ALS2: variants seen among roughly 807,000 people sequenced by gnomAD.
The protein encoded by ALS2 is alsin.
A neutral mutation model predicts 203.4 loss-of-function variants in ALS2; 117 were observed. The ratio of observed to expected loss-of-function variants is 0.58; its 90% CI spans 0.50 to 0.67. The LOEUF (loss-of-function observed/expected upper bound fraction) is 0.67, where lower values mean the gene tolerates loss of function less well. Ranked by LOEUF, ALS2 falls within the 30% of genes least tolerant of loss-of-function variation. The pLI is 0.00. For missense variants in ALS2, 1,715 were observed against 1,989.4 expected (o/e 0.86, Z 2.62); for synonymous variants, 718 against 725.9 (o/e 0.99, Z 0.17).
chr2:201,725,568 T>A, intron 19 of ALS2, 114 bp from the exon 20 acceptor site: 1 of 924,740 alleles, frequency 1.1e-6, no homozygotes, highest in Non-Finnish European at 1.8e-6. Context: ...CATTCACCTG[T>A]AGGAGTAAAG....
At chr2:201,746,416 G>C in intron 9 of ALS2, 150 bp downstream of exon 9, 5 of 837,276 alleles carry the variant, frequency 6.0e-6, no homozygotes. Flanking sequence ...AGAAGATAAG[G>C]AGTGAAGGGG....
intron 24 of ALS2, 77 bp downstream of exon 24, chr2:201,718,000 A>C: frequency 6.7e-7 from 1 of 1,484,256 alleles, no homozygotes; most frequent in Non-Finnish European, 9.3e-7. Flanking sequence ...TGCTTTTAAA[A>C]TATTAACCAG....
intron 14 of ALS2, 92 bp from the exon 15 acceptor site, chr2:201,728,732 G>T: frequency 1.4e-6 from 2 of 1,477,694 alleles, no homozygotes; most frequent in East Asian, 2.3e-5. Flanking sequence ...TCACATTTAA[G>T]GGAATTTGCT....
intron 27 of ALS2, 115 bp downstream of exon 27, chr2:201,709,766 T>G (rs1689924606): frequency 7.9e-7 from 1 of 1,263,544 alleles, no homozygotes; most frequent in Admixed American, 1.7e-5. Flanking sequence ...TTACTTAATC[T>G]ATTAAAGGAC....
At chr2:201,774,476 C>A (rs1694564084) in intron 1 of ALS2, among the ~76,000 whole-genome samples, 1 of 152,122 alleles carries the variant, frequency 6.6e-6, no homozygotes, top group Admixed American at 6.6e-5. Context: ...TTTTATCCCA[C>A]CCTGCTATAC....
intron 2 of ALS2, among the ~76,000 whole-genome samples, chr2:201,768,455 A>G (rs1257310724): frequency 2.0e-5 from 3 of 152,190 alleles, no homozygotes; most frequent in African/African-American, 4.8e-5. Flanking sequence ...ATTTATCTAT[A>G]TTTGCTAAAT....
intron 1 of ALS2, among the ~76,000 whole-genome samples, chr2:201,777,108 A>C (rs962083752): frequency 1.3e-5 from 2 of 152,198 alleles, no homozygotes; most frequent in African/African-American, 4.8e-5. Flanking sequence ...ACAAATCTGT[A>C]GTAATTTTGT....
chr2:201,727,291 C>T lies in ALS2; in HGVS notation c.2913-13G>A, dbSNP rs367778182. ...CTTTAAGCCATTCCTAAAACGTTCA[C>T]AAGGATAAATACCAGGACATTTAAC... On this transcript the variant is annotated splice_polypyrimidine_tract_variant and intron_variant, in intron 16 of 33. Transcript: ENST00000264276. 1.7e-5 allele frequency: 27 copies of T among 1,608,682 alleles called. No individual in the cohort carries two copies. The highest frequency in any genetic ancestry group is 6.7e-5 in the East Asian group (3 of 44,848).
Position 201,700,292 on chromosome 2 carries a change from G to T in ALS2, c.*1559C>A, listed in dbSNP as rs184776133. Among the ~76,000 whole-genome samples the T allele has an allele frequency of 3.3e-5, 5 of 152,270 alleles. No individual in the cohort carries two copies. Among genetic ancestry groups the T allele is most frequent in the Admixed American group, 2.0e-4 (3 of 15,294 alleles). ...TATCAAAATATGCTTTTTATTCAAA[G>T]AAATAATAGATTTCTTTGGAGACCC... On this transcript the variant is annotated 3_prime_UTR_variant, in exon 34 of 34. Transcript: ENST00000264276.
At chr2:201,759,978 A>G in intron 4 of ALS2, 1 of 983,942 alleles carries the variant, frequency 1.0e-6, no homozygotes. Flanking sequence ...CTGATAAACA[A>G]CTTTTGTTCA....
chr2:201,706,203 T>C (rs1440776259), intron 29 of ALS2, among the ~76,000 whole-genome samples: 3 of 151,718 alleles, frequency 2.0e-5, no homozygotes, highest in South Asian at 2.1e-4. Flanking sequence ...CTGGCCAACA[T>C]GGCAAAACTC....
At chr2:201,757,911 T>C in intron 4 of ALS2, 152 bp from the exon 5 acceptor site, 1 of 643,318 alleles carries the variant, frequency 1.6e-6, no homozygotes, top group Non-Finnish European at 2.6e-6. Context: ...GGTATTCTCT[T>C]CTTGATCATG....
chr2:201,707,880 T>C lies in ALS2; in HGVS notation c.4392A>G (p.Ser1464=), dbSNP rs1479469848. Reference sequence around the variant, plus strand: ...CCAACTCCATTTACCCTGGCTCTGGTGATTCAGATCGGGAATCTGACTTCC... The same window carrying C: ...CCAACTCCATTTACCCTGGCTCTGGCGATTCAGATCGGGAATCTGACTTCC... ...CTGKSDSRSE[S]PEPGYVVTSS... The change falls in exon 28 of 34, where the codon TCA becomes TCG. Residue 1464 remains serine (S), a synonymous_variant. Transcript: ENST00000264276. The C allele has an allele frequency of 6.2e-7, 1 of 1,613,460 alleles. No homozygotes were observed. The highest frequency in any genetic ancestry group is 2.2e-5 in the East Asian group (1 of 44,860).
rs1356498130 is a variant in ALS2, at chr2:201,749,621, TCCC to T, written c.1815+88_1815+90del. The stretch of plus-strand genomic sequence containing the variant: ...CAAATTTAGGTTGTACGTATGAAAT[TCCC>T]CCGATATTTTAAAATAAGAAATGGA... On this transcript the variant is annotated intron_variant, in intron 8 of 33. Coordinates refer to ENST00000264276, the MANE Select transcript of ALS2 (RefSeq NM_020919.4). 3.6e-5 allele frequency: 45 copies of T among 1,245,278 alleles called. No individual in the cohort carries two copies. In the East Asian group the frequency reaches 1.0e-3, roughly 29 times the overall value. 77.1% of individuals were successfully genotyped at this position (1,245,278 alleles called of 1,614,324 possible). A position where few individuals can be genotyped will look rare whatever the true frequency, so the allele number is the denominator to read the frequency against.
intron 4 of ALS2, among the ~76,000 whole-genome samples, chr2:201,758,746 G>A (rs1465879051): frequency 1.1e-5 from 1 of 93,250 alleles, no homozygotes; most frequent in Non-Finnish European, 2.7e-5. Context: ...CAAATATAAT[G>A]TGTGTGTGTG....
At chr2:201,778,850 G>C (rs1694772159) in intron 1 of ALS2, among the ~76,000 whole-genome samples, 1 of 152,124 alleles carries the variant, frequency 6.6e-6, no homozygotes, top group Non-Finnish European at 1.5e-5. Context: ...GTACCTCATA[G>C]TACCCAAAGC....
rs140511091 is a variant in ALS2, at chr2:201,773,179, G to A, written c.-60-4234C>T. Among the ~76,000 whole-genome samples, 277 of 152,238 alleles carry A rather than the reference G, an allele frequency of 1.8e-3. 3 individuals carry two copies. Among genetic ancestry groups the A allele is most frequent in the African/African-American group, 6.3e-3 (260 of 41,552 alleles). On this transcript the variant is annotated intron_variant, in intron 1 of 33. Coordinates refer to ENST00000264276, the MANE Select transcript of ALS2 (RefSeq NM_020919.4). ...AGGGCCAATGATTTATTTCAATGAC[G>A]ATTTACATTTGTTTCAAAAGTTTTA...
chr2:201,724,972 G>A (rs545391392), intron 20 of ALS2, among the ~76,000 whole-genome samples: 1 of 152,170 alleles, frequency 6.6e-6, no homozygotes, highest in East Asian at 1.9e-4. Flanking sequence ...AATTAGCCGG[G>A]TGTGGTGGCG....
Position 201,725,747 on chromosome 2 carries a change from C to G in ALS2, c.3249-293G>C, listed in dbSNP as rs145698189. On this transcript the variant is annotated intron_variant, in intron 19 of 33. Transcript: ENST00000264276. ...CTCTGTCACTAATTACCTGCACCACCATGCGGTAAGCCCAGGTATCTAGCT... is the reference window on the plus strand; with the variant it reads ...CTCTGTCACTAATTACCTGCACCACGATGCGGTAAGCCCAGGTATCTAGCT... 6.6e-3 allele frequency among the ~76,000 whole-genome samples: 999 copies of G among 152,294 alleles called. 8 individuals are homozygous for G. The highest frequency in any genetic ancestry group is 0.024 in the African/African-American group (977 of 41,568).
Sources: gnomAD v4.1 joint callset for allele counts (sites outside exome capture counted in the v4.1 genomes callset) on GRCh38, gnomAD v4.1.1 for gene constraint, MANE v1.5 for transcripts, NCBI Gene and HGNC (gene_info 2026-07-23, HGNC 2026-07-21) for gene names.